IQSEC3: variants seen among roughly 807,000 people sequenced by gnomAD.
IQSEC3 encodes the protein IQ motif and SEC7 domain-containing protein 3.
In IQSEC3, 50 loss-of-function variants were observed where a neutral mutation model predicts 105.4. The ratio of observed to expected loss-of-function variants is 0.47; its 90% CI spans 0.38 to 0.60. The LOEUF (loss-of-function observed/expected upper bound fraction) is 0.60. Among genes scored for constraint, IQSEC3 ranks in the 20% least tolerant of loss-of-function variants. IQSEC3 has a pLI of 0.00. For missense variants in IQSEC3, 1,415 were observed against 1,630.0 expected (o/e 0.87, Z 2.27); for synonymous variants, 708 against 746.0 (o/e 0.95, Z 0.83).
At chr12:93,974 T>C (rs1332321513) in intron 1 of IQSEC3, among the ~76,000 whole-genome samples, 11 of 152,224 alleles carry the variant, frequency 7.2e-5, no homozygotes, top group African/African-American at 2.7e-4. Flanking sequence ...CAGAAGCAGA[T>C]GCTGCAGCCA....
chr12:141,334 C>CT, intron 5 of IQSEC3, 49 bp downstream of exon 5: 2 of 1,575,872 alleles, frequency 1.3e-6, no homozygotes, highest in Non-Finnish European at 1.7e-6. Flanking sequence ...CACACCCCAC[C>CT]TGCCCGGGCT....
intron 2 of IQSEC3, among the ~76,000 whole-genome samples, chr12:117,856 G>T (rs1865099470): frequency 6.6e-6 from 1 of 152,218 alleles, no homozygotes; most frequent in Admixed American, 6.5e-5. Flanking sequence ...TCCTGCAGGG[G>T]CTTCTGGCCT....
intron 1 of IQSEC3, among the ~76,000 whole-genome samples, chr12:83,467 G>C (rs1361720887): frequency 1.3e-5 from 2 of 152,036 alleles, no homozygotes; most frequent in East Asian, 1.9e-4. Flanking sequence ...TCCTCACTTA[G>C]GGGGTGGCAT....
At chr12:123,057 T>C (rs1466841745) in intron 2 of IQSEC3, among the ~76,000 whole-genome samples, 1 of 152,062 alleles carries the variant, frequency 6.6e-6, no homozygotes, top group Non-Finnish European at 1.5e-5. Context: ...GCAAGAGAGG[T>C]TGAAGTTAGA....
rs571548221 is a variant in IQSEC3 at position 138,694 on chromosome 12, C to T, written c.1331C>T (p.Ala444Val). Reference protein sequence around the residue: ...YQLHQALQAAAGPPGLEAEGR... With the variant: ...YQLHQALQAAVGPPGLEAEGR... ...CTCCACCAGGCCCTGCAGGCGGCCG[C>T]GGGGCCCCCAGGCCTGGAGGCCGAG... The change falls in exon 4 of 14, where the codon GCG becomes GTG. Residue 444 changes from alanine (A) to valine (V), a missense_variant. Ala to Val is a moderately conservative substitution (Grantham distance 64). Around this residue, in one of 6 missense-constraint regions of IQSEC3, gnomAD observed 720 missense variants for 633.0 expected, o/e 1.14. Coordinates refer to ENST00000538872, the MANE Select transcript of IQSEC3 (RefSeq NM_001170738.2). This position sits in a 1 kb window ranked among gnomAD's most constrained non-coding sequence, Gnocchi z 7.1. 3 of 1,533,206 alleles carry T rather than the reference C, an allele frequency of 2.0e-6. No homozygotes were observed. Among genetic ancestry groups the T allele is most frequent in the Admixed American group, 2.0e-5 (1 of 51,058 alleles). The allele number at this position is 1,533,206 out of a possible 1,614,324, so 95.0% of individuals were successfully genotyped here.
intron 3 of IQSEC3, among the ~76,000 whole-genome samples, chr12:128,813 C>T (rs1052000827): frequency 2.6e-5 from 4 of 152,164 alleles, no homozygotes; most frequent in Non-Finnish European, 5.9e-5. Context: ...CACATTGCAG[C>T]TGAATCATCT....
chr12:135,633 C>A (rs1360347614), intron 3 of IQSEC3, among the ~76,000 whole-genome samples: 3 of 152,114 alleles, frequency 2.0e-5, no homozygotes, highest in Non-Finnish European at 4.4e-5. Flanking sequence ...GAAACATCAC[C>A]CAGGGTGGGT....
At chr12:172,998 G>A (rs533593364) in intron 13 of IQSEC3, among the ~76,000 whole-genome samples, 11 of 152,294 alleles carry the variant, frequency 7.2e-5, no homozygotes, top group African/African-American at 2.6e-4. Flanking sequence ...ACATTCGCCT[G>A]GGGAGAGGCC....
At chr12:162,183 G>A in intron 8 of IQSEC3, 118 bp downstream of exon 8, 6 of 1,157,212 alleles carry the variant, frequency 5.2e-6, no homozygotes, top group Non-Finnish European at 7.4e-6. Flanking sequence ...TCACATGATA[G>A]TTATGAAGTA....
At chr12:91,772 C>T (rs1314950250) in intron 1 of IQSEC3, among the ~76,000 whole-genome samples, 1 of 151,926 alleles carries the variant, frequency 6.6e-6, no homozygotes, top group African/African-American at 2.4e-5. Flanking sequence ...TGGAGTGAGA[C>T]CCTGTCTCAA....
At chr12:132,551 A>G (rs1013807204) in intron 3 of IQSEC3, among the ~76,000 whole-genome samples, 37 of 152,114 alleles carry the variant, frequency 2.4e-4, no homozygotes, top group African/African-American at 8.2e-4. Flanking sequence ...AAAGAGCCCT[A>G]CGTGGTGACA....
chr12:152,396 A>G lies in IQSEC3; in HGVS notation c.2154-4629A>G, dbSNP rs1866540187. Among the ~76,000 whole-genome samples the G allele has an allele frequency of 6.6e-6, 1 of 152,176 alleles. No individual in the cohort carries two copies. On this transcript the variant is annotated intron_variant, in intron 5 of 13. Coordinates refer to ENST00000538872, the MANE Select transcript of IQSEC3 (RefSeq NM_001170738.2). This position sits in a 1 kb window ranked among gnomAD's most constrained non-coding sequence, Gnocchi z 4.8. ...GTAAGATCACAGCCCCTAGGAAGAC[A>G]TGCATTAGTGCCAGCCACTGAGCAG...
chr12:101,221 T>C (rs1261146746), intron 2 of IQSEC3, among the ~76,000 whole-genome samples: 1 of 152,122 alleles, frequency 6.6e-6, no homozygotes, highest in African/African-American at 2.4e-5. Context: ...GCTGCCTGTG[T>C]CGTGCCCACC....
chr12:103,862 C>CGGGGCTCTGGAGGGGAGGCGG (rs545289581), intron 2 of IQSEC3, among the ~76,000 whole-genome samples: 3 of 5,532 alleles, frequency 5.4e-4, no homozygotes, highest in East Asian at 4.1e-3. Context: ...TGAGGGGAGG[C>CGGGGCTCTGGAGGGGAGGCGG]GGCTCGGGAG....
chr12:96,406 T>C (rs1276106984), intron 1 of IQSEC3, among the ~76,000 whole-genome samples: 1 of 152,226 alleles, frequency 6.6e-6, no homozygotes, highest in Non-Finnish European at 1.5e-5. Context: ...GCGAGACTCT[T>C]AACTGATTTT....
chr12:122,003 T>A (rs1480381907), intron 2 of IQSEC3, among the ~76,000 whole-genome samples: 1 of 152,212 alleles, frequency 6.6e-6, no homozygotes, highest in Admixed American at 6.5e-5. Flanking sequence ...CACGATGTTA[T>A]CTTCAACATT....
intron 5 of IQSEC3, among the ~76,000 whole-genome samples, chr12:153,201 G>A (rs1222048611): frequency 8.6e-5 from 13 of 152,046 alleles, no homozygotes; most frequent in Non-Finnish European, 1.6e-4. Flanking sequence ...AGGGGGACAC[G>A]GACCCTGGAA....
intron 12 of IQSEC3, 55 bp from the exon 13 acceptor site, chr12:171,057 G>A: frequency 6.2e-7 from 1 of 1,604,594 alleles, no homozygotes; most frequent in Non-Finnish European, 8.5e-7. Context: ...CAGGGGAGGG[G>A]CAGGGGCTTG....
intron 2 of IQSEC3, among the ~76,000 whole-genome samples, chr12:113,277 A>G (rs1555079981): frequency 6.6e-6 from 1 of 152,202 alleles, no homozygotes; most frequent in Non-Finnish European, 1.5e-5. Flanking sequence ...TTCTCACCAC[A>G]AGGATCCTCA....
Sources: allele counts gnomAD v4.1 joint callset (sites outside exome capture counted in the v4.1 genomes callset), GRCh38; gene constraint gnomAD v4.1.1; regional missense constraint gnomAD v4.1.1; non-coding constraint Gnocchi (gnomAD v3.1); transcripts MANE v1.5; gene names NCBI Gene and HGNC (gene_info 2026-07-23, HGNC 2026-07-21).